The following REDIC1 variants were observed in gnomAD, a reference collection of about 807,000 sequenced individuals.
The protein encoded by REDIC1 is regulator of DNA class I crossover intermediates 1, also known as HEI10 Interacting Protein 1.
the REDIC1 span, among the ~76,000 whole-genome samples, chr12:39,768,091 GC>G: frequency 6.6e-6 from 1 of 152,098 alleles, no homozygotes; most frequent in Non-Finnish European, 1.5e-5. Context: ...AGCACTTGCT[GC>G]CTCACCTTGC....
At chr12:39,721,048 G>T in the REDIC1 span, 1 of 1,613,760 alleles carries the variant, frequency 6.2e-7, no homozygotes, top group Non-Finnish European at 8.5e-7. Context: ...TGATAACTGC[G>T]TTCTGCAGGC....
chr12:39,664,744 C>A, the REDIC1 span, among the ~76,000 whole-genome samples: 1 of 152,166 alleles, frequency 6.6e-6, no homozygotes, highest in African/African-American at 2.4e-5. Flanking sequence ...TCTGTTGTTT[C>A]CTGGCTTTTT....
the REDIC1 span, among the ~76,000 whole-genome samples, chr12:39,894,744 T>C: frequency 6.6e-6 from 1 of 152,022 alleles, no homozygotes; most frequent in Non-Finnish European, 1.5e-5. Context: ...CATTGGTAAA[T>C]ACCGGCTTTG....
the REDIC1 span, among the ~76,000 whole-genome samples, chr12:39,653,463 A>G: frequency 6.7e-6 from 1 of 148,154 alleles, no homozygotes; most frequent in Admixed American, 6.7e-5. Context: ...TAGTAAGTAT[A>G]TTTTTACCTC....
chr12:39,817,570 C>G, the REDIC1 span, among the ~76,000 whole-genome samples: 1 of 152,194 alleles, frequency 6.6e-6, no homozygotes, highest in South Asian at 2.1e-4. Flanking sequence ...CTGATGGCAG[C>G]TAAGGGGGTT....
chr12:39,896,498 ATATG>A, the REDIC1 span, among the ~76,000 whole-genome samples: 419 of 147,556 alleles, frequency 2.8e-3, 17 homozygotes, highest in East Asian at 0.058. Flanking sequence ...ATGTACACAT[ATATG>A]TATGTACATG....
the REDIC1 span, chr12:39,755,504 T>G: frequency 6.6e-6 from 1 of 152,166 alleles, no homozygotes; most frequent in Non-Finnish European, 1.5e-5. Flanking sequence ...CAAAAGCTGC[T>G]AGGAGACAGT....
At chr12:39,824,087 AGGT>A in the REDIC1 span, among the ~76,000 whole-genome samples, 7 of 152,224 alleles carry the variant, frequency 4.6e-5, no homozygotes, top group African/African-American at 1.7e-4. Flanking sequence ...AAAACACCAA[AGGT>A]TTAAAAACAA....
chr12:39,810,230 A>G, the REDIC1 span, among the ~76,000 whole-genome samples: 3 of 152,194 alleles, frequency 2.0e-5, no homozygotes, highest in Admixed American at 6.5e-5. Flanking sequence ...AATATTTTAT[A>G]GTGTTCAGTG....
At chr12:39,785,674 G>A in the REDIC1 span, among the ~76,000 whole-genome samples, 5 of 152,238 alleles carry the variant, frequency 3.3e-5, no homozygotes, top group East Asian at 3.9e-4. Flanking sequence ...GACACTCAAC[G>A]CCAGCCCGTG....
chr12:39,905,659 A>G, the REDIC1 span, among the ~76,000 whole-genome samples: 2 of 152,248 alleles, frequency 1.3e-5, no homozygotes, highest in African/African-American at 4.8e-5. Flanking sequence ...CCTTTAAGAC[A>G]TCTTATGTCT....
At chr12:39,865,651 A>C in the REDIC1 span, among the ~76,000 whole-genome samples, 1 of 152,244 alleles carries the variant, frequency 6.6e-6, no homozygotes, top group Non-Finnish European at 1.5e-5. Flanking sequence ...GAAAAGGGTC[A>C]TGGGAAGAAT....
the REDIC1 span, among the ~76,000 whole-genome samples, chr12:39,712,772 T>C: frequency 6.8e-6 from 1 of 146,854 alleles, no homozygotes; most frequent in Admixed American, 6.9e-5. Context: ...TACGTATGTA[T>C]ACATGTGTAT....
the REDIC1 span, among the ~76,000 whole-genome samples, chr12:39,887,551 C>T: frequency 3.9e-5 from 6 of 152,156 alleles, no homozygotes; most frequent in Admixed American, 2.6e-4. Context: ...GTGTGTATCA[C>T]GGTGATGGTG....
chr12:39,713,502 A>C, the REDIC1 span, among the ~76,000 whole-genome samples: 1 of 149,868 alleles, frequency 6.7e-6, no homozygotes, highest in Non-Finnish European at 1.5e-5. Flanking sequence ...GTACACATAC[A>C]TATGTATACA....
chr12:39,760,953 A>AACACACACACACACACACACAC, the REDIC1 span, among the ~76,000 whole-genome samples: 1,518 of 101,574 alleles, frequency 0.015, 91 homozygotes, highest in African/African-American at 0.044. Context: ...GTCTCTACCA[A>AACACACACACACACACACACAC]ACACACACAC....
chr12:39,723,934 C>T, the REDIC1 span, among the ~76,000 whole-genome samples: 6 of 152,046 alleles, frequency 3.9e-5, no homozygotes, highest in Non-Finnish European at 8.8e-5. Context: ...TATTTTCCTC[C>T]GTGACAATAT....
At chr12:39,896,699 T>G in the REDIC1 span, among the ~76,000 whole-genome samples, 3 of 151,966 alleles carry the variant, frequency 2.0e-5, no homozygotes, top group Non-Finnish European at 2.9e-5. Context: ...TATCTGCAAT[T>G]TAAGACTTCA....
chr12:39,626,681 T>A, the REDIC1 span, among the ~76,000 whole-genome samples: 2 of 152,234 alleles, frequency 1.3e-5, no homozygotes, highest in Non-Finnish European at 2.9e-5. Flanking sequence ...ACCTGAGCCC[T>A]CCCCTACTGC....
Sources: allele counts gnomAD v4.1 joint callset (sites outside exome capture counted in the v4.1 genomes callset), GRCh38; gene constraint gnomAD v4.1.1; transcripts MANE v1.5; gene names NCBI Gene and HGNC (gene_info 2026-07-23, HGNC 2026-07-21).